Variants in CSMD1 observed in about 807,000 individuals in gnomAD.
CSMD1 encodes the protein CUB and Sushi multiple domains 1.
In CSMD1, 213 loss-of-function variants were observed where a neutral mutation model predicts 417.5. That is an observed-to-expected ratio of 0.51 (90% CI 0.46 to 0.57). CSMD1 has a LOEUF of 0.57. Among genes scored for constraint, CSMD1 ranks in the 20% least tolerant of loss-of-function variants. The pLI is 0.00. For synonymous variants in CSMD1, 2,862 were observed against 1,736.8 expected, an observed-to-expected ratio of 1.65 and a Z score of -16.11; for missense variants, 6,923 against 4,529.7, an observed-to-expected ratio of 1.53 and a Z score of -15.17.
At chr8:4,809,322 C>A (rs1384556396) in intron 1 of CSMD1, among the ~76,000 whole-genome samples, 1 of 152,152 alleles carries the variant, frequency 6.6e-6, no homozygotes, top group Non-Finnish European at 1.5e-5. Flanking sequence ...ACATCTATAG[C>A]AAGAGTTTCC....
At chr8:3,882,497 T>G (rs1806273158) in intron 5 of CSMD1, among the ~76,000 whole-genome samples, 1 of 151,972 alleles carries the variant, frequency 6.6e-6, no homozygotes, top group Non-Finnish European at 1.5e-5. Flanking sequence ...ACTATTAGAC[T>G]CTCTCTGCCT....
chr8:4,982,697 G>A (rs1584950690), intron 1 of CSMD1, among the ~76,000 whole-genome samples: 1 of 152,072 alleles, frequency 6.6e-6, no homozygotes, highest in East Asian at 1.9e-4. Flanking sequence ...ACCTATCATT[G>A]TCCATCCATC....
chr8:4,192,175 C>G (rs1250207763), intron 3 of CSMD1, among the ~76,000 whole-genome samples: 1 of 152,074 alleles, frequency 6.6e-6, no homozygotes, highest in Non-Finnish European at 1.5e-5. Context: ...GTTATAAAGG[C>G]TCAACAGATG....
intron 5 of CSMD1, among the ~76,000 whole-genome samples, chr8:3,811,146 T>C (rs1801051143): frequency 6.6e-6 from 1 of 152,200 alleles, no homozygotes; most frequent in Admixed American, 6.5e-5. Flanking sequence ...CTCTATGATA[T>C]TAAATATCCA....
At chr8:3,576,620 A>C (rs1392779035) in intron 9 of CSMD1, among the ~76,000 whole-genome samples, 1 of 152,218 alleles carries the variant, frequency 6.6e-6, no homozygotes, top group Non-Finnish European at 1.5e-5. Context: ...AATGAAAAAC[A>C]AACATGGGTA....
At chr8:3,889,137 T>A (rs1300024797) in intron 5 of CSMD1, among the ~76,000 whole-genome samples, 1 of 151,954 alleles carries the variant, frequency 6.6e-6, no homozygotes, top group Non-Finnish European at 1.5e-5. Context: ...ATGATTCAGA[T>A]GAAAAATCAG....
intron 2 of CSMD1, among the ~76,000 whole-genome samples, chr8:4,555,736 C>A (rs1241668937): frequency 6.6e-6 from 1 of 152,018 alleles, no homozygotes; most frequent in Non-Finnish European, 1.5e-5. Context: ...TTCAGGGAAA[C>A]CATAAGAAAG....
chr8:4,212,776 T>TTTTTTTTCAA (rs1563282662), intron 3 of CSMD1, among the ~76,000 whole-genome samples: 1 of 105,850 alleles, frequency 9.4e-6, no homozygotes, highest in African/African-American at 3.4e-5. Flanking sequence ...TTTTTTTTTT[T>TTTTTTTTCAA]ACAAGCTATT....
At chr8:3,208,210 A>C (rs1797413276) in intron 30 of CSMD1, among the ~76,000 whole-genome samples, 1 of 152,216 alleles carries the variant, frequency 6.6e-6, no homozygotes, top group Non-Finnish European at 1.5e-5. Flanking sequence ...GTATAAATAA[A>C]AAGTGGAAAC....
At chr8:3,138,340 G>A (rs73489963) in intron 41 of CSMD1, among the ~76,000 whole-genome samples, 8,614 of 152,272 alleles carry the variant, frequency 0.057, 810 homozygotes, top group African/African-American at 0.19. Flanking sequence ...GGATCCAGAT[G>A]ACTGAGTGGC....
intron 2 of CSMD1, among the ~76,000 whole-genome samples, chr8:4,620,998 G>C (rs1042053329): frequency 6.6e-6 from 1 of 151,840 alleles, no homozygotes; most frequent in Non-Finnish European, 1.5e-5. Flanking sequence ...TTTTAAAAGG[G>C]AATTAATACA....
intron 1 of CSMD1, among the ~76,000 whole-genome samples, chr8:4,825,333 T>G (rs894946933): frequency 1.3e-5 from 2 of 152,112 alleles, no homozygotes; most frequent in Non-Finnish European, 2.9e-5. Context: ...GCACAGATAT[T>G]TTCTTGTGTG....
At chr8:3,663,278 C>T (rs973943074) in intron 7 of CSMD1, among the ~76,000 whole-genome samples, 17 of 152,134 alleles carry the variant, frequency 1.1e-4, no homozygotes, top group African/African-American at 3.9e-4. Flanking sequence ...ATACTACTGA[C>T]AGACAGGGGT....
chr8:4,780,090 T>C (rs905023732), intron 1 of CSMD1, among the ~76,000 whole-genome samples: 1 of 152,212 alleles, frequency 6.6e-6, no homozygotes, highest in Admixed American at 6.5e-5. Flanking sequence ...TTGAATATGA[T>C]ACACCCGCGT....
At chr8:4,100,156 G>A (rs1157190845) in intron 3 of CSMD1, among the ~76,000 whole-genome samples, 1 of 152,128 alleles carries the variant, frequency 6.6e-6, no homozygotes, top group Non-Finnish European at 1.5e-5. Flanking sequence ...GTTTTTATGT[G>A]AGTAAAATGG....
intron 2 of CSMD1, among the ~76,000 whole-genome samples, chr8:4,435,816 C>T (rs137915125): frequency 6.6e-6 from 1 of 152,280 alleles, no homozygotes; most frequent in Admixed American, 6.5e-5. Flanking sequence ...GTCCCGAACA[C>T]CTTCAGGGCA....
At position 4,008,222 on chromosome 8, in the gene CSMD1, AAGTTCAAGT is replaced by A. The variant is rs113959031; in HGVS notation, c.611-10121_611-10113del. On this transcript the variant is annotated intron_variant, in intron 4 of 69. Coordinates refer to ENST00000635120, the MANE Select transcript of CSMD1 (RefSeq NM_033225.6). The stretch of plus-strand genomic sequence containing the variant: ...TGGAAAAATTAGTTCAAGTTCCATC[AAGTTCAAGT>A]TTAACTTAAAAACCACATATAAAAT... Among the ~76,000 whole-genome samples the A allele has an allele frequency of 8.0e-3, 1,217 of 152,294 alleles. 15 individuals are homozygous for A. Among genetic ancestry groups the A allele is most frequent in the African/African-American group, 0.027 (1,116 of 41,558 alleles).
chr8:4,886,352 A>G (rs577773266), intron 1 of CSMD1, among the ~76,000 whole-genome samples: 2 of 151,912 alleles, frequency 1.3e-5, no homozygotes, highest in Non-Finnish European at 2.9e-5. Context: ...TTTTATGTAT[A>G]TTATAAATGT....
At chr8:3,872,516 G>A (rs796631428) in intron 5 of CSMD1, among the ~76,000 whole-genome samples, 26 of 152,310 alleles carry the variant, frequency 1.7e-4, no homozygotes, top group African/African-American at 6.0e-4. Flanking sequence ...ACTAGGTAAT[G>A]TTCTGCCAGG....
Sources: gnomAD v4.1 joint callset for allele counts (sites outside exome capture counted in the v4.1 genomes callset) on GRCh38, gnomAD v4.1.1 for gene constraint, MANE v1.5 for transcripts, NCBI Gene and HGNC (gene_info 2026-07-23, HGNC 2026-07-21) for gene names.